CELF4: variants seen among roughly 807,000 people sequenced by gnomAD.
The protein encoded by CELF4 is CUG-BP- and ETR-3-like factor 4.
In CELF4, 18 loss-of-function variants were observed where a neutral mutation model predicts 59.9. The ratio of observed to expected loss-of-function variants is 0.30; its 90% CI spans 0.21 to 0.45. The LOEUF (loss-of-function observed/expected upper bound fraction) is 0.45. Among genes scored for constraint, CELF4 ranks in the 20% least tolerant of loss-of-function variants. CELF4 has a pLI of 1.00. For synonymous variants in CELF4, 261 were observed against 267.1 expected, an observed-to-expected ratio of 0.98 and a Z score of 0.22; for missense variants, 456 against 689.0, an observed-to-expected ratio of 0.66 and a Z score of 3.79.
chr18:37,432,990 C>T (rs188161171), intron 2 of CELF4, among the ~76,000 whole-genome samples: 165 of 152,310 alleles, frequency 1.1e-3, no homozygotes, highest in Non-Finnish European at 2.0e-3. Context: ...CCACGGTATG[C>T]GCAACACAGG....
At chr18:37,481,650 G>A (rs555766913) in intron 2 of CELF4, among the ~76,000 whole-genome samples, 2 of 152,288 alleles carry the variant, frequency 1.3e-5, no homozygotes, top group Non-Finnish European at 2.9e-5. Flanking sequence ...CCTGGCTCCT[G>A]GCCTGTTGTG....
chr18:37,459,722 G>C (rs1425993977), intron 2 of CELF4, among the ~76,000 whole-genome samples: 1 of 152,120 alleles, frequency 6.6e-6, no homozygotes, highest in Non-Finnish European at 1.5e-5. Context: ...TTTTGCCTTG[G>C]GTTGGCTGTG....
chr18:37,262,198 C>G (rs548060922), intron 10 of CELF4, among the ~76,000 whole-genome samples: 44 of 152,230 alleles, frequency 2.9e-4, no homozygotes, highest in Non-Finnish European at 5.7e-4. Flanking sequence ...GTGCCGCGCT[C>G]TCACCCGCCC....
chr18:37,552,923 G>C (rs1200532443), intron 1 of CELF4, among the ~76,000 whole-genome samples: 1 of 152,216 alleles, frequency 6.6e-6, no homozygotes, highest in Non-Finnish European at 1.5e-5. Flanking sequence ...TTGTGACGTG[G>C]TCTGCCCAGT....
chr18:37,353,854 T>A (rs2098513469), intron 2 of CELF4, among the ~76,000 whole-genome samples: 2 of 151,164 alleles, frequency 1.3e-5, no homozygotes, highest in African/African-American at 4.9e-5. Flanking sequence ...CCTCCTGGGT[T>A]CCCGCCATCC....
chr18:37,253,708 G>A lies in CELF4; in HGVS notation c.*44+59C>T, dbSNP rs891836813. On this transcript the variant is annotated intron_variant, in intron 12 of 12. Coordinates refer to ENST00000420428, the MANE Select transcript of CELF4 (RefSeq NM_020180.4). The surrounding 1 kb of genome is among the most constrained non-coding windows in gnomAD (Gnocchi z 4.5). ...CGGCCCACGGAGGCCGGAGGAGGCG[G>A]CGGGTCCGTCTGGTTCCCTCCCAAC... 3.8e-6 allele frequency: 5 copies of A among 1,327,682 alleles called. No individual in the cohort carries two copies. The African/African-American group carries it at 4.6e-5, about 12-fold the overall frequency. 82.2% of individuals were successfully genotyped at this position (1,327,682 alleles called of 1,614,324 possible).
chr18:37,547,688 C>T (rs1282577644), intron 1 of CELF4, among the ~76,000 whole-genome samples: 2 of 152,182 alleles, frequency 1.3e-5, no homozygotes, highest in Non-Finnish European at 2.9e-5. Flanking sequence ...TATGGGGCCC[C>T]TGTGTTCCCG....
At chr18:37,380,748 C>G (rs2099028510) in intron 2 of CELF4, among the ~76,000 whole-genome samples, 1 of 150,360 alleles carries the variant, frequency 6.7e-6, no homozygotes, top group South Asian at 2.1e-4. Context: ...AGTCATCCAT[C>G]CATCCATCCA....
chr18:37,359,804 C>G (rs982101956), intron 2 of CELF4, among the ~76,000 whole-genome samples: 2 of 152,032 alleles, frequency 1.3e-5, no homozygotes, highest in African/African-American at 4.8e-5. Context: ...ACCTCAGCCT[C>G]CTAAAGTGCT....
chr18:37,486,111 A>AC (rs1396590629), intron 1 of CELF4: 1 of 151,764 alleles, frequency 6.6e-6, no homozygotes, highest in Non-Finnish European at 1.5e-5. Context: ...TGTAAGGAGG[A>AC]CCCCAAGCCA....
intron 1 of CELF4, among the ~76,000 whole-genome samples, chr18:37,523,046 A>C (rs2099959401): frequency 6.6e-6 from 1 of 152,146 alleles, no homozygotes; most frequent in South Asian, 2.1e-4. Context: ...CGTTGCCCAC[A>C]ACCAGATTCA....
intron 1 of CELF4, among the ~76,000 whole-genome samples, chr18:37,559,342 G>A (rs547346686): frequency 2.6e-5 from 4 of 152,082 alleles, no homozygotes; most frequent in African/African-American, 9.6e-5. Context: ...ACCCACACAG[G>A]CTGCAGCATC....
At chr18:37,385,997 A>T (rs1459327443) in intron 2 of CELF4, among the ~76,000 whole-genome samples, 1 of 152,266 alleles carries the variant, frequency 6.6e-6, no homozygotes, top group Non-Finnish European at 1.5e-5. Flanking sequence ...AATTTAATCC[A>T]AATAAACTAA....
At chr18:37,412,391 A>G (rs2154592305) in intron 2 of CELF4, among the ~76,000 whole-genome samples, 1 of 152,274 alleles carries the variant, frequency 6.6e-6, no homozygotes, top group Middle Eastern at 3.4e-3. Context: ...CCTCACCTCC[A>G]CAGTCCTTAG....
At chr18:37,314,676 G>A (rs1012448497) in intron 3 of CELF4, among the ~76,000 whole-genome samples, 8 of 152,116 alleles carry the variant, frequency 5.3e-5, no homozygotes, top group Admixed American at 5.2e-4. Flanking sequence ...CCCCTTCCTG[G>A]CTGGTGCCCC....
At chr18:37,339,763 A>G (rs2097921336) in intron 2 of CELF4, among the ~76,000 whole-genome samples, 1 of 151,848 alleles carries the variant, frequency 6.6e-6, no homozygotes, top group East Asian at 1.9e-4. Flanking sequence ...CAAAAAAAAA[A>G]AAAAAAAGGC....
At chr18:37,464,661 C>G (rs1357042140) in intron 2 of CELF4, among the ~76,000 whole-genome samples, 1 of 152,096 alleles carries the variant, frequency 6.6e-6, no homozygotes, top group Non-Finnish European at 1.5e-5. Flanking sequence ...AATCTCGGAG[C>G]CCCTGGCACT....
At chr18:37,333,347 C>A (rs1465769593) in intron 2 of CELF4, among the ~76,000 whole-genome samples, 1 of 151,280 alleles carries the variant, frequency 6.6e-6, no homozygotes, top group Non-Finnish European at 1.5e-5. Context: ...CTCCTCTCCC[C>A]CCTCTCCCTC....
rs1310933082 is a variant in CELF4 at position 37,254,644 on chromosome 18, C to G, written c.1334-706G>C. 5.9e-5 allele frequency among the ~76,000 whole-genome samples: 9 copies of G among 152,242 alleles called. No individual in the cohort carries two copies. The highest frequency in any genetic ancestry group is 5.9e-4 in the Admixed American group (9 of 15,288). On this transcript the variant is annotated intron_variant, in intron 11 of 12. Transcript: ENST00000420428. The surrounding 1 kb of genome is among the most constrained non-coding windows in gnomAD (Gnocchi z 5.1). ...CGCCCTGCGCCGTGGACTAAGCACG[C>G]ACCAGCTGATATGTCCATAACAAGT...
Sources: allele counts gnomAD v4.1 joint callset (sites outside exome capture counted in the v4.1 genomes callset), GRCh38; gene constraint gnomAD v4.1.1; non-coding constraint Gnocchi (gnomAD v3.1); transcripts MANE v1.5; gene names NCBI Gene and HGNC (gene_info 2026-07-23, HGNC 2026-07-21).